PCSK2: variants seen among roughly 807,000 people sequenced by gnomAD.
The protein encoded by PCSK2 is neuroendocrine convertase 2.
Under a neutral mutation model 69.7 loss-of-function variants are expected in PCSK2, and 14 were observed. The ratio of observed to expected loss-of-function variants is 0.20; its 90% CI spans 0.13 to 0.31. The LOEUF is 0.31. Among genes scored for constraint, PCSK2 ranks in the 10% least tolerant of loss-of-function variants. The pLI is 1.00. For synonymous variants in PCSK2, 307 were observed against 320.7 expected (o/e 0.96, Z 0.46); for missense variants, 544 against 842.5 (o/e 0.65, Z 4.39).
At chr20:17,335,769 CT>C (rs1990332568) in intron 2 of PCSK2, among the ~76,000 whole-genome samples, 2 of 151,256 alleles carry the variant, frequency 1.3e-5, no homozygotes, top group African/African-American at 4.9e-5. Context: ...TCCTGAGTTG[CT>C]TTACTTAGAA....
At chr20:17,460,963 T>C (rs1270987977) in intron 10 of PCSK2, among the ~76,000 whole-genome samples, 2 of 152,154 alleles carry the variant, frequency 1.3e-5, no homozygotes, top group East Asian at 1.9e-4. Flanking sequence ...AGAGCTCGAA[T>C]TGTTAAAGTA....
At chr20:17,382,003 G>A (rs1456681136) in intron 5 of PCSK2, among the ~76,000 whole-genome samples, 8 of 152,172 alleles carry the variant, frequency 5.3e-5, no homozygotes, top group Non-Finnish European at 1.2e-4. Flanking sequence ...TAACCACTTC[G>A]ATTAATCACT....
intron 5 of PCSK2, among the ~76,000 whole-genome samples, chr20:17,374,416 C>T (rs931115031): frequency 1.3e-5 from 2 of 152,134 alleles, no homozygotes; most frequent in African/African-American, 4.8e-5. Context: ...ACTTAGGTGG[C>T]AGCTTTCAGG....
intron 2 of PCSK2, among the ~76,000 whole-genome samples, chr20:17,335,802 G>A (rs1341710823): frequency 6.6e-6 from 1 of 150,736 alleles, no homozygotes; most frequent in Non-Finnish European, 1.5e-5. Context: ...AGTCCCATCT[G>A]GATTGCTGCA....
chr20:17,271,686 G>T (rs1327064277), intron 2 of PCSK2, among the ~76,000 whole-genome samples: 3 of 152,070 alleles, frequency 2.0e-5, no homozygotes, highest in Admixed American at 2.0e-4. Flanking sequence ...TCAGCTAATT[G>T]TTACCTCCAA....
chr20:17,451,148 C>T (rs942485534), intron 8 of PCSK2, among the ~76,000 whole-genome samples: 27 of 152,272 alleles, frequency 1.8e-4, no homozygotes, highest in Admixed American at 1.0e-3. Flanking sequence ...TCCTAGAAAA[C>T]GAAGCATTCT....
chr20:17,274,131 A>G (rs1233976735), intron 2 of PCSK2, among the ~76,000 whole-genome samples: 2 of 152,200 alleles, frequency 1.3e-5, no homozygotes, highest in East Asian at 3.8e-4. Flanking sequence ...ATTCAAAACA[A>G]CAATAAACAT....
chr20:17,313,722 A>G (rs1176372752), intron 2 of PCSK2, among the ~76,000 whole-genome samples: 1 of 152,104 alleles, frequency 6.6e-6, no homozygotes, highest in Admixed American at 6.5e-5. Flanking sequence ...TATAATTTAC[A>G]AGGTTTTTCT....
intron 2 of PCSK2, among the ~76,000 whole-genome samples, chr20:17,341,127 C>A (rs1990499561): frequency 6.6e-6 from 1 of 152,140 alleles, no homozygotes; most frequent in East Asian, 1.9e-4. Flanking sequence ...GTAATCCCAG[C>A]AACTTGGGAG....
intron 5 of PCSK2, among the ~76,000 whole-genome samples, chr20:17,381,476 T>C (rs2031085424): frequency 6.6e-6 from 1 of 152,126 alleles, no homozygotes; most frequent in South Asian, 2.1e-4. Context: ...TCAGTGTAAG[T>C]CTAAGCTATT....
intron 2 of PCSK2, among the ~76,000 whole-genome samples, chr20:17,327,012 C>A (rs1990075891): frequency 6.6e-6 from 1 of 152,214 alleles, no homozygotes; most frequent in South Asian, 2.1e-4. Context: ...CTCATCCTCC[C>A]CCTTCTTCTG....
chr20:17,294,297 G>A (rs374268651), intron 2 of PCSK2, among the ~76,000 whole-genome samples: 2 of 147,454 alleles, frequency 1.4e-5, no homozygotes, highest in Non-Finnish European at 1.5e-5. Flanking sequence ...TAGTAGAGAC[G>A]GGGTTTCACC....
chr20:17,257,091 C>A (rs553039824), intron 1 of PCSK2, among the ~76,000 whole-genome samples: 21 of 152,054 alleles, frequency 1.4e-4, no homozygotes, highest in Middle Eastern at 3.4e-3. Context: ...AGAAAAAAAA[C>A]CCATCAAGGA....
At chr20:17,229,862 G>T (rs969988384) in intron 1 of PCSK2, among the ~76,000 whole-genome samples, 2 of 152,094 alleles carry the variant, frequency 1.3e-5, no homozygotes, top group Non-Finnish European at 2.9e-5. Flanking sequence ...ATTTTTATGC[G>T]ACTGATAGGC....
At chr20:17,428,997 C>CAAAAAAAAAAAAAAAAAAA (rs60206058) in intron 6 of PCSK2, among the ~76,000 whole-genome samples, 25 of 36,958 alleles carry the variant, frequency 6.8e-4, no homozygotes, top group South Asian at 1.5e-3. Context: ...GACTCTGTCT[C>CAAAAAAAAAAAAAAAAAAA]AAAAAAAAAA....
chr20:17,245,933 C>T (rs1986754876), intron 1 of PCSK2, among the ~76,000 whole-genome samples: 1 of 152,112 alleles, frequency 6.6e-6, no homozygotes, highest in Non-Finnish European at 1.5e-5. Flanking sequence ...CTGCTTGACC[C>T]CCAATATATT....
At chr20:17,244,519 C>A in intron 1 of PCSK2, among the ~76,000 whole-genome samples, 1 of 152,206 alleles carries the variant, frequency 6.6e-6, no homozygotes, top group Non-Finnish European at 1.5e-5. Context: ...AAGATCCACT[C>A]AAATCCCCAT....
chr20:17,480,028 G>A (rs973997113), intron 11 of PCSK2, among the ~76,000 whole-genome samples: 1 of 151,800 alleles, frequency 6.6e-6, no homozygotes, highest in Non-Finnish European at 1.5e-5. Flanking sequence ...CCCACTCCAA[G>A]AAGGCCATCT....
chr20:17,279,579 G>T (rs2123042241), intron 2 of PCSK2, among the ~76,000 whole-genome samples: 1 of 152,048 alleles, frequency 6.6e-6, no homozygotes, highest in East Asian at 1.9e-4. Flanking sequence ...GCCGAGGCGG[G>T]TGGATCACCT....
Sources: allele counts gnomAD v4.1 joint callset (sites outside exome capture counted in the v4.1 genomes callset), GRCh38; gene constraint gnomAD v4.1.1; transcripts MANE v1.5; gene names NCBI Gene and HGNC (gene_info 2026-07-23, HGNC 2026-07-21).